Variants in ATP6V0A4 observed in about 807,000 individuals in gnomAD.
ATP6V0A4 encodes the protein ATPase H+ transporting V0 subunit a4, also known as V-type proton ATPase 116 kDa subunit a 4.
Under a neutral mutation model 107.3 loss-of-function variants are expected in ATP6V0A4, and 86 were observed. The ratio of observed to expected loss-of-function variants is 0.80; its 90% CI spans 0.67 to 0.96. ATP6V0A4 has a LOEUF of 0.96. Ranked by LOEUF, ATP6V0A4 falls within the 40% of genes least tolerant of loss-of-function variation. The pLI, the probability that ATP6V0A4 is intolerant of heterozygous loss-of-function variation, is 0.00. For synonymous variants in ATP6V0A4, 353 were observed against 381.4 expected (o/e 0.93, Z 0.87); for missense variants, 908 against 1,045.6 (o/e 0.87, Z 1.81).
rs777056548 is a variant in ATP6V0A4 at position 138,733,060 on chromosome 7, T to C, written c.1725A>G (p.Gln575=). Residue 575 remains glutamine (Q), a synonymous_variant, in exon 17 of 22, where the codon CAA becomes CAG. Transcript: ENST00000310018. The stretch of plus-strand genomic sequence containing the variant: ...GGATAAAAATCATCTCAGGGATAAA[T>C]TGCAGAATGATGTTGAGAGTTCTTC... ...YFRRTLNIIL[Q]FIPEMIFILC... 3.1e-6 allele frequency: 5 copies of C among 1,613,856 alleles called. No individual in the cohort carries two copies. The highest frequency in any genetic ancestry group is 4.2e-6 in the Non-Finnish European group (5 of 1,179,956).
chr7:138,709,819 G>T (rs747795808), intron 20 of ATP6V0A4, 24 bp from the exon 21 acceptor site: 1 of 1,611,440 alleles, frequency 6.2e-7, no homozygotes, highest in East Asian at 2.2e-5. Flanking sequence ...GAAACCACTG[G>T]GATTATCTTG....
At chr7:138,748,189 C>T (rs568237464) in intron 12 of ATP6V0A4, among the ~76,000 whole-genome samples, 3 of 152,180 alleles carry the variant, frequency 2.0e-5, no homozygotes, top group African/African-American at 7.2e-5. Context: ...AGCTTTCTCT[C>T]TCTAGGTGCT....
chr7:138,726,042 T>G (rs1164426162), intron 18 of ATP6V0A4, among the ~76,000 whole-genome samples: 1 of 152,016 alleles, frequency 6.6e-6, no homozygotes, highest in Non-Finnish European at 1.5e-5. Context: ...TGGGCTGGAG[T>G]GCAGTGGTGC....
chr7:138,796,797 T>A (rs2130248788), intron 1 of ATP6V0A4, among the ~76,000 whole-genome samples: 1 of 152,318 alleles, frequency 6.6e-6, no homozygotes, highest in Middle Eastern at 3.4e-3. Context: ...CCTGCTGCAC[T>A]GTGCTCTCAA....
intron 20 of ATP6V0A4, among the ~76,000 whole-genome samples, chr7:138,715,417 C>A (rs1479353788): frequency 6.6e-6 from 1 of 152,182 alleles, no homozygotes; most frequent in African/African-American, 2.4e-5. Flanking sequence ...CCAGGCTGAT[C>A]TTGAACTCCT....
intron 14 of ATP6V0A4, among the ~76,000 whole-genome samples, chr7:138,741,623 G>A (rs1290425183): frequency 6.6e-6 from 1 of 152,150 alleles, no homozygotes; most frequent in East Asian, 1.9e-4. Context: ...GAAGGACACG[G>A]TCCAAACCAC....
At chr7:138,775,898 C>T (rs188693915) in intron 2 of ATP6V0A4, among the ~76,000 whole-genome samples, 1,532 of 152,290 alleles carry the variant, frequency 0.01, 35 homozygotes, top group African/African-American at 0.034. Flanking sequence ...GATCCACCTG[C>T]CTCAGCCTCC....
intron 18 of ATP6V0A4, among the ~76,000 whole-genome samples, chr7:138,723,527 T>C (rs888128065): frequency 2.0e-4 from 15 of 75,772 alleles, no homozygotes; most frequent in African/African-American, 2.8e-4. Flanking sequence ...TCTTTTCTTT[T>C]TTTTTTTTTT....
rs1562997087 is a variant in ATP6V0A4 at position 138,745,242 on chromosome 7, T to C, written c.1359A>G (p.Leu453=). The change falls in exon 14 of 22, where the codon CTA becomes CTG. Residue 453 remains leucine, a synonymous_variant. Coordinates refer to ENST00000310018, the MANE Select transcript of ATP6V0A4 (RefSeq NM_020632.3). ...NTFFHGRYLI[L]LMGIFSIYTG... is the part of the protein sequence containing the mutation. ...TGTAGATGGAGAAGATGCCCATAAG[T>C]AGGATCAGATAGCGCCCGTGGAAGA... is the stretch of plus-strand genomic sequence containing the variant. 6.2e-7 allele frequency: 1 copy of C among 1,602,960 alleles called. No homozygotes were observed. The highest frequency in any genetic ancestry group is 8.5e-7 in the Non-Finnish European group (1 of 1,175,314).
intron 19 of ATP6V0A4, among the ~76,000 whole-genome samples, chr7:138,717,051 C>T (rs1804077510): frequency 6.6e-6 from 1 of 152,198 alleles, no homozygotes; most frequent in African/African-American, 2.4e-5. Context: ...TCTGAGGCTC[C>T]TAAGCCCAAG....
chr7:138,793,115 GA>G (rs1808501626), intron 1 of ATP6V0A4, among the ~76,000 whole-genome samples: 1 of 152,018 alleles, frequency 6.6e-6, no homozygotes, highest in Non-Finnish European at 1.5e-5. Context: ...CCAACATGGT[GA>G]AACCCCTGTT....
intron 14 of ATP6V0A4, among the ~76,000 whole-genome samples, chr7:138,742,520 T>G (rs115732102): frequency 0.01 from 1,519 of 151,692 alleles, 32 homozygotes; most frequent in African/African-American, 0.035. Context: ...AATGAATGTG[T>G]TTGTTTGTTT....
At position 138,733,068 on chromosome 7, in the gene ATP6V0A4, T is replaced by C. The variant is rs768580142; in HGVS notation, c.1717A>G (p.Ile573Val). ...HIYFRRTLNI[I>V]LQFIPEMIFI... ...ATCATCTCAGGGATAAATTGCAGAA[T>C]GATGTTGAGAGTTCTTCTGAAGTAT... Residue 573 changes from isoleucine (I) to valine (V), a missense_variant, in exon 17 of 22, where the codon ATT becomes GTT. Coordinates refer to ENST00000310018, the MANE Select transcript of ATP6V0A4 (RefSeq NM_020632.3). 1.2e-6 allele frequency: 2 copies of C among 1,613,954 alleles called. No homozygotes were observed. The highest frequency in any genetic ancestry group is 1.1e-5 in the South Asian group (1 of 91,074).
intron 11 of ATP6V0A4, among the ~76,000 whole-genome samples, chr7:138,750,901 C>T (rs1806189699): frequency 6.6e-6 from 1 of 152,148 alleles, no homozygotes; most frequent in Non-Finnish European, 1.5e-5. Flanking sequence ...ACTTTCTGTG[C>T]CTCCATTTCT....
chr7:138,710,235 A>T (rs1218299100), intron 20 of ATP6V0A4, among the ~76,000 whole-genome samples: 1 of 144,284 alleles, frequency 6.9e-6, no homozygotes, highest in African/African-American at 2.6e-5. Flanking sequence ...CTTGTCGCCC[A>T]GTCTGGAGTG....
chr7:138,731,390 C>T (rs1328723822), intron 17 of ATP6V0A4, among the ~76,000 whole-genome samples: 1 of 152,200 alleles, frequency 6.6e-6, no homozygotes, highest in East Asian at 1.9e-4. Context: ...GGCAGCTGGC[C>T]TTGTGGAACT....
At chr7:138,763,455 C>CT (rs746686176) in intron 5 of ATP6V0A4, among the ~76,000 whole-genome samples, 3 of 151,768 alleles carry the variant, frequency 2.0e-5, no homozygotes, top group Non-Finnish European at 2.9e-5. Context: ...TGGTGAAACC[C>CT]CATCTCTACT....
At chr7:138,763,975 A>AAAT (rs774897965) in intron 5 of ATP6V0A4, among the ~76,000 whole-genome samples, 13,171 of 143,286 alleles carry the variant, frequency 0.092, 764 homozygotes, top group East Asian at 0.29. Flanking sequence ...TCAAAAAAAA[A>AAAT]ATATATATAT....
chr7:138,719,576 G>A (rs1033347804), intron 19 of ATP6V0A4, among the ~76,000 whole-genome samples: 3 of 152,170 alleles, frequency 2.0e-5, no homozygotes, highest in East Asian at 1.9e-4. Context: ...TTGGGTGACC[G>A]GCCTAGGCTG....
Sources: allele counts gnomAD v4.1 joint callset (sites outside exome capture counted in the v4.1 genomes callset), GRCh38; gene constraint gnomAD v4.1.1; transcripts MANE v1.5; gene names NCBI Gene and HGNC (gene_info 2026-07-23, HGNC 2026-07-21).